PPP3R1: variants seen among roughly 807,000 people sequenced by gnomAD.
The protein encoded by PPP3R1 is protein phosphatase 3 regulatory subunit B, alpha.
Under a neutral mutation model 22.6 loss-of-function variants are expected in PPP3R1, and 5 were observed. The ratio of observed to expected loss-of-function variants is 0.22; its 90% CI spans 0.12 to 0.46. The LOEUF (loss-of-function observed/expected upper bound fraction) is 0.46. Ranked by LOEUF, PPP3R1 falls within the 20% of genes least tolerant of loss-of-function variation. PPP3R1 has a pLI of 0.99. For synonymous variants in PPP3R1, 56 were observed against 65.2 expected (o/e 0.86, Z 0.68); for missense variants, 61 against 203.2 (o/e 0.30, Z 4.25).
At chr2:68,245,820 A>G (rs959680302) in intron 1 of PPP3R1, among the ~76,000 whole-genome samples, 5 of 152,186 alleles carry the variant, frequency 3.3e-5, no homozygotes, top group Admixed American at 2.6e-4. Context: ...ACCATTTACA[A>G]CTTAACACAT....
chr2:68,225,796 G>A (rs1342328926), intron 1 of PPP3R1, among the ~76,000 whole-genome samples: 14 of 152,154 alleles, frequency 9.2e-5, no homozygotes, highest in East Asian at 1.9e-4. Flanking sequence ...ACTCAAAATT[G>A]TACCGCTATT....
At chr2:68,189,335 A>G (rs1017216222) in intron 2 of PPP3R1, among the ~76,000 whole-genome samples, 2 of 152,220 alleles carry the variant, frequency 1.3e-5, no homozygotes, top group Non-Finnish European at 2.9e-5. Flanking sequence ...AATAGCTAAC[A>G]AAATTCACTT....
rs528400722 is a variant in PPP3R1, at chr2:68,244,667, G to C, written c.3+7458C>G. Among the ~76,000 whole-genome samples the C allele has an allele frequency of 2.0e-5, 3 of 151,718 alleles. No individual in the cohort carries two copies. The South Asian group carries it at 6.3e-4, about 32-fold the overall frequency. ...CTCTCCTGGCTTTTCTAATTCTCAA[G>C]AATATCCCCATCTTTCTCTTACCAA... is the stretch of plus-strand genomic sequence containing the variant. On this transcript the variant is annotated intron_variant, in intron 1 of 5. Transcript: ENST00000234310.
chr2:68,220,226 A>G (rs1329230599), intron 1 of PPP3R1, among the ~76,000 whole-genome samples: 3 of 152,222 alleles, frequency 2.0e-5, no homozygotes, highest in Non-Finnish European at 4.4e-5. Flanking sequence ...GAGAAGTCAG[A>G]GATACATGAA....
intron 1 of PPP3R1, among the ~76,000 whole-genome samples, chr2:68,219,481 A>T (rs752408984): frequency 3.9e-5 from 6 of 152,230 alleles, no homozygotes. Flanking sequence ...GGAGTATTAC[A>T]TTTATCAGTA....
intron 1 of PPP3R1, among the ~76,000 whole-genome samples, chr2:68,219,953 T>C (rs1669655209): frequency 6.6e-6 from 1 of 152,212 alleles, no homozygotes; most frequent in Non-Finnish European, 1.5e-5. Flanking sequence ...CCCCTTACAC[T>C]ATACTGATTT....
At chr2:68,200,449 A>G (rs1338233444) in intron 2 of PPP3R1, among the ~76,000 whole-genome samples, 4 of 152,220 alleles carry the variant, frequency 2.6e-5, no homozygotes, top group African/African-American at 9.6e-5. Flanking sequence ...CTAAAAATAC[A>G]TTCTTAGAAT....
rs867742050 is a variant in PPP3R1 at position 68,252,264 on chromosome 2, G to C, written c.-137C>G. ...GCGGGGAGGGGGCGCGCGTGGGGGA[G>C]GGGAGGCGGCGCCGCGGGGCCCGCG... is the stretch of plus-strand genomic sequence containing the variant. On this transcript the variant is annotated 5_prime_UTR_variant, in exon 1 of 6. Coordinates refer to ENST00000234310, the MANE Select transcript of PPP3R1 (RefSeq NM_000945.4). 1 of 1,060,538 alleles carries C rather than the reference G, an allele frequency of 9.4e-7. No individual in the cohort carries two copies. Among genetic ancestry groups the C allele is most frequent in the East Asian group, 7.4e-5 (1 of 13,466 alleles). The allele number at this position is 1,060,538 out of a possible 1,614,324, so 65.7% of individuals were successfully genotyped here. A position where few individuals can be genotyped will look rare whatever the true frequency, so the allele number is the denominator to read the frequency against.
rs953647351 is a variant in PPP3R1, at chr2:68,198,486, T to C, written c.44-9796A>G. Among the ~76,000 whole-genome samples the C allele has an allele frequency of 4.0e-4, 60 of 148,734 alleles. 1 individual carries two copies. Among genetic ancestry groups the C allele is most frequent in the African/African-American group, 1.5e-3 (59 of 39,560 alleles). On this transcript the variant is annotated intron_variant, in intron 2 of 5. Transcript: ENST00000234310. ...ACGTATATATGCGTATGTATATATATGTATATACATATATATGTGTATACA... is the reference window on the plus strand; with the variant it reads ...ACGTATATATGCGTATGTATATATACGTATATACATATATATGTGTATACA...
intron 3 of PPP3R1, among the ~76,000 whole-genome samples, chr2:68,188,032 T>C (rs538954168): frequency 6.6e-6 from 1 of 152,162 alleles, no homozygotes; most frequent in African/African-American, 2.4e-5. Flanking sequence ...TAGCCAGGTG[T>C]GGTGGCACAT....
intron 2 of PPP3R1, among the ~76,000 whole-genome samples, chr2:68,203,872 A>G (rs891567241): frequency 6.6e-6 from 1 of 152,188 alleles, no homozygotes; most frequent in African/African-American, 2.4e-5. Flanking sequence ...TCATTATGCA[A>G]AAGGAGAGGT....
chr2:68,214,156 C>T (rs1207462539), intron 2 of PPP3R1, among the ~76,000 whole-genome samples: 1 of 152,090 alleles, frequency 6.6e-6, no homozygotes, highest in Non-Finnish European at 1.5e-5. Context: ...AGATTAAAGA[C>T]TTAATTGTAA....
intron 1 of PPP3R1, among the ~76,000 whole-genome samples, chr2:68,232,223 ATGTG>A (rs76815812): frequency 0.03 from 1,371 of 45,692 alleles, 18 homozygotes; most frequent in Non-Finnish European, 0.035. Flanking sequence ...ATATGTATAT[ATGTG>A]TGTGTGTGTG....
chr2:68,201,268 T>G (rs1042066752), intron 2 of PPP3R1, among the ~76,000 whole-genome samples: 2 of 152,158 alleles, frequency 1.3e-5, no homozygotes, highest in Non-Finnish European at 2.9e-5. Context: ...TTAAAAAAAA[T>G]TATATTTCCA....
intron 1 of PPP3R1, among the ~76,000 whole-genome samples, chr2:68,231,057 C>T (rs970607334): frequency 6.6e-6 from 1 of 152,170 alleles, no homozygotes; most frequent in African/African-American, 2.4e-5. Flanking sequence ...GCCATTATTT[C>T]CTTAAGTACT....
intron 1 of PPP3R1, among the ~76,000 whole-genome samples, chr2:68,243,826 C>T (rs1300203427): frequency 2.0e-5 from 3 of 151,602 alleles, no homozygotes; most frequent in Non-Finnish European, 4.4e-5. Flanking sequence ...TAATAAGTAG[C>T]GTATCATTAA....
chr2:68,221,840 G>A, intron 1 of PPP3R1, among the ~76,000 whole-genome samples: 1 of 150,452 alleles, frequency 6.6e-6, no homozygotes, highest in Non-Finnish European at 1.5e-5. Context: ...TGTTTAAAGT[G>A]TTTAAAAAAA....
intron 5 of PPP3R1, among the ~76,000 whole-genome samples, chr2:68,184,446 A>AC (rs1397001490): frequency 6.6e-6 from 1 of 152,152 alleles, no homozygotes; most frequent in Non-Finnish European, 1.5e-5. Context: ...TGAGTACATA[A>AC]CCCTTTCTAA....
chr2:68,202,152 T>C (rs934264403), intron 2 of PPP3R1, among the ~76,000 whole-genome samples: 9 of 152,240 alleles, frequency 5.9e-5, no homozygotes, highest in Admixed American at 2.6e-4. Flanking sequence ...TTTTTCCATA[T>C]CTTTTATCTT....
Sources: allele counts gnomAD v4.1 joint callset (sites outside exome capture counted in the v4.1 genomes callset), GRCh38; gene constraint gnomAD v4.1.1; transcripts MANE v1.5; gene names NCBI Gene and HGNC (gene_info 2026-07-23, HGNC 2026-07-21).